SHISA6: variants seen among roughly 807,000 people sequenced by gnomAD.
The protein encoded by SHISA6 is protein shisa-6.
A neutral mutation model predicts 47.9 loss-of-function variants in SHISA6; 22 were observed. The observed-to-expected ratio is 0.46, with a 90% CI of 0.33 to 0.66. The LOEUF is 0.66. SHISA6 is among the 30% of genes least tolerant of loss of function. The pLI is 0.02. For missense variants in SHISA6, 680 were observed against 764.6 expected, an observed-to-expected ratio of 0.89 and a Z score of 1.30; for synonymous variants, 388 against 337.8, an observed-to-expected ratio of 1.15 and a Z score of -1.63.
intron 3 of SHISA6, among the ~76,000 whole-genome samples, chr17:11,472,139 A>G (rs927275617): frequency 4.0e-5 from 6 of 151,882 alleles, no homozygotes; most frequent in African/African-American, 1.5e-4. Context: ...TACTATTTAC[A>G]TGGTTTTTTG....
At chr17:11,550,258 T>C (rs1255659259) in intron 3 of SHISA6, among the ~76,000 whole-genome samples, 3 of 152,146 alleles carry the variant, frequency 2.0e-5, no homozygotes, top group Non-Finnish European at 4.4e-5. Context: ...GGTTTCACCA[T>C]GTTGGCCAGG....
Position 11,241,445 on chromosome 17 carries a change from T to G in SHISA6, c.23T>G (p.Leu8Arg). The G allele has an allele frequency of 8.3e-7, 1 of 1,198,638 alleles. No individual in the cohort carries two copies. Among genetic ancestry groups the G allele is most frequent in the Non-Finnish European group, 1.1e-6 (1 of 949,618 alleles). The allele number at this position is 1,198,638 out of a possible 1,614,324, so 74.3% of individuals were successfully genotyped here. A position where few individuals can be genotyped will look rare whatever the true frequency, so the allele number is the denominator to read the frequency against. Residue 8 changes from leucine (L) to arginine (R), a missense_variant, in exon 1 of 6, where the codon CTG becomes CGG. This residue lies in a region of SHISA6 where 121 missense variants were observed against 90.5 expected (regional missense o/e 1.34). Coordinates refer to ENST00000441885, the MANE Select transcript of SHISA6 (RefSeq NM_207386.4). This position sits in a 1 kb window ranked among gnomAD's most constrained non-coding sequence, Gnocchi z 5.5. Reference sequence around the variant, plus strand: ...GCCATGGCGCTGCGGCGCCTCCTGCTGCTGCTGCTGCTCTCGCTGGAGTCC... The same window carrying G: ...GCCATGGCGCTGCGGCGCCTCCTGCGGCTGCTGCTGCTCTCGCTGGAGTCC... Reference protein sequence around the residue: MALRRLLLLLLLSLESLD... With the variant: MALRRLLRLLLLSLESLD...
At position 11,276,158 on chromosome 17, in the gene SHISA6, A is replaced by G. The variant is rs1908880817; in HGVS notation, c.799+12632A>G. 2.0e-5 allele frequency among the ~76,000 whole-genome samples: 3 copies of G among 151,908 alleles called. No individual in the cohort carries two copies. The South Asian group carries it at 6.3e-4, about 32-fold the overall frequency. ...ATGCCTGGCTAATTTTTGTATTTTT[A>G]GTAGAGACAGGGTTTCACCATGTCG... is the stretch of plus-strand genomic sequence containing the variant. On this transcript the variant is annotated intron_variant, in intron 2 of 5. Transcript: ENST00000441885.
At chr17:11,283,251 T>G (rs1242205348) in intron 2 of SHISA6, among the ~76,000 whole-genome samples, 2 of 152,240 alleles carry the variant, frequency 1.3e-5, no homozygotes, top group African/African-American at 4.8e-5. Flanking sequence ...TTTGTAAATG[T>G]ATATATGTAT....
intron 2 of SHISA6, among the ~76,000 whole-genome samples, chr17:11,367,065 A>G (rs1323190914): frequency 1.3e-5 from 2 of 152,202 alleles, no homozygotes; most frequent in Non-Finnish European, 2.9e-5. Context: ...GGAATTGAGG[A>G]CAAACTGTGA....
At chr17:11,333,966 G>A (rs781234348) in intron 2 of SHISA6, among the ~76,000 whole-genome samples, 4 of 152,170 alleles carry the variant, frequency 2.6e-5, no homozygotes, top group East Asian at 1.9e-4. Flanking sequence ...CAGAAGCTCC[G>A]TGCTCCCCAC....
At chr17:11,352,395 T>C (rs1451314502) in intron 2 of SHISA6, among the ~76,000 whole-genome samples, 1 of 152,098 alleles carries the variant, frequency 6.6e-6, no homozygotes, top group East Asian at 1.9e-4. Flanking sequence ...ATTGTTGCGT[T>C]TGGTAATTAG....
intron 2 of SHISA6, among the ~76,000 whole-genome samples, chr17:11,310,385 C>A (rs959491346): frequency 6.6e-6 from 1 of 152,064 alleles, no homozygotes; most frequent in African/African-American, 2.4e-5. Flanking sequence ...GGAAATAATG[C>A]AGGTTAGGGG....
At chr17:11,460,146 CAAG>C (rs756516094) in intron 3 of SHISA6, among the ~76,000 whole-genome samples, 3 of 152,110 alleles carry the variant, frequency 2.0e-5, no homozygotes, top group Admixed American at 1.3e-4. Flanking sequence ...AAATTTTCTA[CAAG>C]AAGAATAGCA....
chr17:11,430,282 G>A (rs1356444619), intron 3 of SHISA6, among the ~76,000 whole-genome samples: 1 of 152,072 alleles, frequency 6.6e-6, no homozygotes, highest in East Asian at 1.9e-4. Flanking sequence ...GTGATTGGAC[G>A]AGGCCACGAG....
chr17:11,553,002 G>A (rs8077221), intron 4 of SHISA6, among the ~76,000 whole-genome samples: 23,965 of 152,162 alleles, frequency 0.16, 3,230 homozygotes, highest in African/African-American at 0.36. Flanking sequence ...CTAACTGAAT[G>A]TGGCTGATGA....
intron 3 of SHISA6, among the ~76,000 whole-genome samples, chr17:11,449,675 G>T (rs1454282978): frequency 1.3e-5 from 2 of 152,144 alleles, no homozygotes; most frequent in Non-Finnish European, 2.9e-5. Flanking sequence ...AAACTTGGTG[G>T]CTTAACAAAA....
intron 2 of SHISA6, among the ~76,000 whole-genome samples, chr17:11,344,878 T>C (rs1421147184): frequency 1.3e-5 from 2 of 152,130 alleles, no homozygotes; most frequent in Admixed American, 6.6e-5. Flanking sequence ...CTAGAAATTA[T>C]TCCTCCTATC....
intron 2 of SHISA6, among the ~76,000 whole-genome samples, chr17:11,280,141 G>A (rs11650237): frequency 6.6e-6 from 1 of 151,946 alleles, no homozygotes; most frequent in African/African-American, 2.4e-5. Flanking sequence ...GTTTATGTTG[G>A]TGCTACATAA....
At chr17:11,497,809 C>T (rs2071420625) in intron 3 of SHISA6, among the ~76,000 whole-genome samples, 1 of 152,136 alleles carries the variant, frequency 6.6e-6, no homozygotes, top group African/African-American at 2.4e-5. Context: ...ATCCATTCCT[C>T]AATACTGGCT....
Position 11,411,425 on chromosome 17 carries a change from C to T in SHISA6, c.895+31916C>T, listed in dbSNP as rs187194229. Among the ~76,000 whole-genome samples, 262 of 152,022 alleles carry T rather than the reference C, an allele frequency of 1.7e-3. 2 individuals are homozygous for T. Among genetic ancestry groups the T allele is most frequent in the Non-Finnish European group, 3.0e-3 (203 of 67,986 alleles). Reference sequence around the variant, plus strand: ...TTTGTTTGTTTGTTTGAGATGGAGTCTCACTCTGTAGCCCAGGCTGGAGTG... The same window carrying T: ...TTTGTTTGTTTGTTTGAGATGGAGTTTCACTCTGTAGCCCAGGCTGGAGTG... On this transcript the variant is annotated intron_variant, in intron 3 of 5. Transcript: ENST00000441885.
At chr17:11,370,514 G>A (rs1912601034) in intron 2 of SHISA6, among the ~76,000 whole-genome samples, 1 of 152,158 alleles carries the variant, frequency 6.6e-6, no homozygotes, top group African/African-American at 2.4e-5. Flanking sequence ...GGGACATTTA[G>A]TTGAATCGAA....
chr17:11,355,479 G>A (rs1303517401), intron 2 of SHISA6, among the ~76,000 whole-genome samples: 2 of 152,274 alleles, frequency 1.3e-5, no homozygotes, highest in Middle Eastern at 3.4e-3. Context: ...TGAAGGATGT[G>A]GTTTCTAGAA....
intron 3 of SHISA6, among the ~76,000 whole-genome samples, chr17:11,424,846 A>G (rs1468991688): frequency 2.6e-5 from 4 of 151,990 alleles, no homozygotes; most frequent in African/African-American, 7.2e-5. Flanking sequence ...TACTAAAAAT[A>G]CAAAATATTA....
Sources: gnomAD v4.1 joint callset for allele counts (sites outside exome capture counted in the v4.1 genomes callset) on GRCh38, gnomAD v4.1.1 for gene constraint, gnomAD v4.1.1 regional missense constraint, Gnocchi (gnomAD v3.1) non-coding constraint, MANE v1.5 for transcripts, NCBI Gene and HGNC (gene_info 2026-07-23, HGNC 2026-07-21) for gene names.